WWOX: variants seen among roughly 807,000 people sequenced by gnomAD.
The protein encoded by WWOX is WW domain containing oxidoreductase.
Under a neutral mutation model 46.2 loss-of-function variants are expected in WWOX, and 69 were observed. The ratio of observed to expected loss-of-function variants is 1.49; its 90% confidence interval spans 1.23 to 1.82. WWOX has a LOEUF of 1.82. WWOX is among the 40% of genes most tolerant of loss of function. The pLI, the probability that WWOX is intolerant of heterozygous loss-of-function variation, is 0.00. For synonymous variants in WWOX, 359 were observed against 202.6 expected, an observed-to-expected ratio of 1.77 and a Z score of -6.56; for missense variants, 919 against 542.6, an observed-to-expected ratio of 1.69 and a Z score of -6.89.
At chr16:79,111,582 C>G (rs1326490001) in intron 8 of WWOX, among the ~76,000 whole-genome samples, 3 of 151,880 alleles carry the variant, frequency 2.0e-5, no homozygotes, top group Non-Finnish European at 2.9e-5. Flanking sequence ...GGAATAAAAG[C>G]CAGAAAGTTA....
intron 8 of WWOX, among the ~76,000 whole-genome samples, chr16:79,031,181 C>T (rs1043324073): frequency 6.6e-6 from 1 of 151,906 alleles, no homozygotes; most frequent in East Asian, 1.9e-4. Flanking sequence ...TATGCGGAAG[C>T]CTTCGCCCCC....
chr16:78,204,515 A>ATT (rs34768033), intron 5 of WWOX, among the ~76,000 whole-genome samples: 2 of 151,856 alleles, frequency 1.3e-5, no homozygotes, highest in Non-Finnish European at 2.9e-5. Flanking sequence ...TATTCCTTGT[A>ATT]TTTTTTTGTA....
Position 78,411,432 on chromosome 16 carries a change from A to T in WWOX, c.606-13438A>T, listed in dbSNP as rs1043173023. Among the ~76,000 whole-genome samples, 5 of 152,162 alleles carry T rather than the reference A, an allele frequency of 3.3e-5. 1 individual carries two copies. The highest frequency in any genetic ancestry group is 7.3e-5 in the Non-Finnish European group (5 of 68,028). On this transcript the variant is annotated intron_variant, in intron 6 of 8. Coordinates refer to ENST00000566780, the MANE Select transcript of WWOX (RefSeq NM_016373.4). ...GCAAAACCTTGAAGAACAATTAGGA[A>T]TTTGACAGAGGGAATGGCACGAATA...
intron 8 of WWOX, among the ~76,000 whole-genome samples, chr16:79,199,617 T>C (rs927831350): frequency 2.0e-5 from 3 of 152,094 alleles, no homozygotes; most frequent in Admixed American, 2.0e-4. Context: ...CAGCTAAAAT[T>C]CTCCACCTTG....
At chr16:79,154,273 G>A (rs375700851) in intron 8 of WWOX, among the ~76,000 whole-genome samples, 66 of 152,318 alleles carry the variant, frequency 4.3e-4, no homozygotes, top group African/African-American at 1.3e-3. Flanking sequence ...TGAGGTCACC[G>A]TGGGAATGGC....
At chr16:78,206,481 G>A (rs951512814) in intron 5 of WWOX, among the ~76,000 whole-genome samples, 1 of 152,078 alleles carries the variant, frequency 6.6e-6, no homozygotes, top group African/African-American at 2.4e-5. Context: ...TCAAAAGACG[G>A]GAGAAAGACT....
intron 8 of WWOX, among the ~76,000 whole-genome samples, chr16:78,517,647 C>T (rs567903957): frequency 6.6e-6 from 1 of 151,984 alleles, no homozygotes; most frequent in Non-Finnish European, 1.5e-5. Context: ...CTCAGCGCTC[C>T]CCGCAATCCA....
chr16:78,919,859 G>A (rs1356791119), intron 8 of WWOX, among the ~76,000 whole-genome samples: 1 of 152,134 alleles, frequency 6.6e-6, no homozygotes, highest in Non-Finnish European at 1.5e-5. Context: ...GACACAGTGT[G>A]TGCCAAAGCG....
At chr16:78,632,264 A>T (rs540278824) in intron 8 of WWOX, among the ~76,000 whole-genome samples, 14 of 152,174 alleles carry the variant, frequency 9.2e-5, no homozygotes, top group African/African-American at 2.9e-4. Flanking sequence ...GCTTCCAGGG[A>T]TTGTTTTGGA....
chr16:78,748,899 C>CT (rs1186790377), intron 8 of WWOX, among the ~76,000 whole-genome samples: 2 of 152,236 alleles, frequency 1.3e-5, no homozygotes, highest in African/African-American at 4.8e-5. Flanking sequence ...GCAAAGCAGC[C>CT]TGACACATGG....
chr16:78,953,394 C>A (rs1206556571), intron 8 of WWOX, among the ~76,000 whole-genome samples: 2 of 152,182 alleles, frequency 1.3e-5, no homozygotes, highest in Non-Finnish European at 2.9e-5. Context: ...CTGCTAATTG[C>A]AAACACAAAA....
rs2045589062 is a variant in WWOX, at chr16:78,930,222, T to TTCCTTC, written c.1057-281386_1057-281385insTCCTTC. ...CTGGGGTGGATTATTTCAGGACCTTTCTTCCTTCCTTCCTTCCTTCCTTCC... is the reference window on the plus strand; with the variant it reads ...CTGGGGTGGATTATTTCAGGACCTTTTCCTTCCTTCCTTCCTTCCTTCCTTCCTTCC... On this transcript the variant is annotated intron_variant, in intron 8 of 8. Coordinates refer to ENST00000566780, the MANE Select transcript of WWOX (RefSeq NM_016373.4). Among the ~76,000 whole-genome samples the TTCCTTC allele has an allele frequency of 1.1e-3, 116 of 104,994 alleles. 4 individuals carry two copies. Among genetic ancestry groups the TTCCTTC allele is most frequent in the South Asian group, 1.8e-3 (5 of 2,840 alleles). 68.9% of individuals were successfully genotyped at this position (104,994 alleles called of 152,430 possible). A position where few individuals can be genotyped will look rare whatever the true frequency, so the allele number is the denominator to read the frequency against.
At chr16:78,612,734 C>T (rs1173970003) in intron 8 of WWOX, among the ~76,000 whole-genome samples, 2 of 152,160 alleles carry the variant, frequency 1.3e-5, no homozygotes, top group African/African-American at 4.8e-5. Flanking sequence ...GCCTCAGCCT[C>T]CCAAAGTGCT....
intron 8 of WWOX, among the ~76,000 whole-genome samples, chr16:79,156,962 G>T (rs1166771133): frequency 6.6e-6 from 1 of 152,234 alleles, no homozygotes; most frequent in Admixed American, 6.5e-5. Context: ...GAGGTTCTTT[G>T]ATGATTGTTG....
chr16:78,226,482 T>TTCCCTCCCTCCCTCCCTCCC (rs56126537), intron 5 of WWOX, among the ~76,000 whole-genome samples: 7 of 134,218 alleles, frequency 5.2e-5, no homozygotes, highest in African/African-American at 2.1e-4. Context: ...CTGTCCTGTC[T>TTCCCTCCCTCCCTCCCTCCC]TCCCTCCCTC....
chr16:78,476,671 C>T (rs1488437484), intron 8 of WWOX, among the ~76,000 whole-genome samples: 1 of 151,986 alleles, frequency 6.6e-6, no homozygotes, highest in African/African-American at 2.4e-5. Context: ...CAAGACCCGT[C>T]CCCCATGATC....
chr16:78,743,104 T>A (rs564835761), intron 8 of WWOX, among the ~76,000 whole-genome samples: 22 of 151,908 alleles, frequency 1.4e-4, no homozygotes, highest in Admixed American at 3.3e-4. Context: ...CATCCGTCTC[T>A]CTCCTTGGAG....
At position 78,218,161 on chromosome 16, in the gene WWOX, C is replaced by T. The variant is rs1056621067; in HGVS notation, c.516+53872C>T. Among the ~76,000 whole-genome samples, 4 of 152,190 alleles carry T rather than the reference C, an allele frequency of 2.6e-5. No individual in the cohort carries two copies. The South Asian group carries it at 6.2e-4, about 24-fold the overall frequency. ...CCTGTAACTCCCAGACTGAAGCGAT[C>T]CTCCTGCCTCAGCCTCCCGAGTAGC... is the stretch of plus-strand genomic sequence containing the variant. On this transcript the variant is annotated intron_variant, in intron 5 of 8. Coordinates refer to ENST00000566780, the MANE Select transcript of WWOX (RefSeq NM_016373.4).
intron 5 of WWOX, among the ~76,000 whole-genome samples, chr16:78,334,802 A>ACACG (rs1567508310): frequency 1.8e-5 from 1 of 56,696 alleles, no homozygotes; most frequent in Non-Finnish European, 4.0e-5. Flanking sequence ...CCACACACAC[A>ACACG]CACACGCACA....
Sources: gnomAD v4.1 joint callset for allele counts (sites outside exome capture counted in the v4.1 genomes callset) on GRCh38, gnomAD v4.1.1 for gene constraint, MANE v1.5 for transcripts, NCBI Gene and HGNC (gene_info 2026-07-23, HGNC 2026-07-21) for gene names.